Variants in KLHL3 observed in about 807,000 individuals in gnomAD.
KLHL3 encodes the protein kelch like family member 3, also known as kelch-like protein 3.
Under a neutral mutation model 70.5 loss-of-function variants are expected in KLHL3, and 19 were observed. The ratio of observed to expected loss-of-function variants is 0.27; its 90% CI spans 0.19 to 0.40. KLHL3 has a LOEUF of 0.40. Among genes scored for constraint, KLHL3 ranks in the 10% least tolerant of loss-of-function variants. KLHL3 has a pLI of 1.00. For synonymous variants in KLHL3, 258 were observed against 290.3 expected (o/e 0.89, Z 1.13); for missense variants, 512 against 771.1 (o/e 0.66, Z 3.98).
At position 137,639,386 on chromosome 5, in the gene KLHL3, C is replaced by T. The variant is rs1265473507; in HGVS notation, c.1022-236G>A. 6.6e-6 allele frequency among the ~76,000 whole-genome samples: 1 copy of T among 151,944 alleles called. No individual in the cohort carries two copies. The highest frequency in any genetic ancestry group is 6.6e-5 in the Admixed American group (1 of 15,262). On this transcript the variant is annotated intron_variant, in intron 9 of 14. Transcript: ENST00000309755. This position sits in a 1 kb window ranked among gnomAD's most constrained non-coding sequence, Gnocchi z 5.0. ...ACTCCCCAAGCTCATAAGAACTGAC[C>T]CCAAAAGAGCCAAAAACTGTGCAAG...
At chr5:137,643,936 C>A (rs1021391460) in intron 8 of KLHL3, among the ~76,000 whole-genome samples, 1 of 151,996 alleles carries the variant, frequency 6.6e-6, no homozygotes, top group African/African-American at 2.4e-5. Context: ...TCTACTTCTA[C>A]GAGTTTGTCT....
intron 5 of KLHL3, among the ~76,000 whole-genome samples, chr5:137,691,372 G>T (rs1752317948): frequency 6.6e-6 from 1 of 152,202 alleles, no homozygotes. Flanking sequence ...GTCTGCAAAA[G>T]CTCAATCTTA....
At chr5:137,664,533 G>A (rs1443243925) in intron 6 of KLHL3, among the ~76,000 whole-genome samples, 4 of 151,688 alleles carry the variant, frequency 2.6e-5, no homozygotes, top group Admixed American at 6.6e-5. Context: ...TGCTAAAATC[G>A]AAAGTTGTTA....
chr5:137,646,610 G>A lies in KLHL3; in HGVS notation c.904-6633C>T, dbSNP rs1430005957. ...TTCTAGCTACTTAAGAAGACCACAAGATGTTAGAGGAAGAGACTTGAACCA... is the reference window on the plus strand; with the variant it reads ...TTCTAGCTACTTAAGAAGACCACAAAATGTTAGAGGAAGAGACTTGAACCA... On this transcript the variant is annotated intron_variant, in intron 8 of 14. Transcript: ENST00000309755. 3.9e-5 allele frequency among the ~76,000 whole-genome samples: 6 copies of A among 152,084 alleles called. No homozygotes were observed. In the East Asian group the frequency reaches 1.2e-3, roughly 29 times the overall value.
intron 12 of KLHL3, 51 bp downstream of exon 12, chr5:137,633,986 C>T (rs765414366): frequency 1.2e-5 from 19 of 1,612,470 alleles, no homozygotes; most frequent in Non-Finnish European, 1.4e-5. Flanking sequence ...AATTTAAGGA[C>T]CCACTTGTGA....
intron 11 of KLHL3, among the ~76,000 whole-genome samples, chr5:137,637,035 C>T (rs1750783745): frequency 6.6e-6 from 1 of 152,232 alleles, no homozygotes; most frequent in Non-Finnish European, 1.5e-5. Context: ...AGGGCCAAAC[C>T]ACAGGCCGGC....
At chr5:137,628,564 T>C (rs1750543356) in intron 12 of KLHL3, 127 bp from the exon 13 acceptor site, 9 of 916,586 alleles carry the variant, frequency 9.8e-6, no homozygotes, top group Non-Finnish European at 1.5e-5. Context: ...TTTGTCTCCC[T>C]GGACCTCAGT....
intron 8 of KLHL3, among the ~76,000 whole-genome samples, chr5:137,642,646 CA>C (rs1750943293): frequency 6.6e-6 from 1 of 152,062 alleles, no homozygotes; most frequent in Admixed American, 6.6e-5. Context: ...AGGAGTTAAA[CA>C]AACAATACAG....
At chr5:137,629,924 C>A (rs936927712) in intron 12 of KLHL3, 1 of 152,210 alleles carries the variant, frequency 6.6e-6, no homozygotes, top group East Asian at 1.9e-4. Context: ...AAGCGAGCTG[C>A]GTTCCAGGCA....
chr5:137,645,227 G>C (rs1751014690), intron 8 of KLHL3, among the ~76,000 whole-genome samples: 1 of 152,134 alleles, frequency 6.6e-6, no homozygotes, highest in Admixed American at 6.5e-5. Flanking sequence ...GGGGAAAGTT[G>C]AAAGCTTTTC....
In KLHL3 at chr5:137,639,709, A is replaced by G; in HGVS notation, c.1021+151T>C. On this transcript the variant is annotated intron_variant, in intron 9 of 14. Transcript: ENST00000309755. The surrounding 1 kb of genome is among the most constrained non-coding windows in gnomAD (Gnocchi z 5.0). ...ACTCTGTCTTAAAACAACGACAACA[A>G]CCAAAAAAAAAAAAAAAGTGTGCAG... 4.4e-6 allele frequency: 2 copies of G among 450,232 alleles called. No individual in the cohort carries two copies. Among genetic ancestry groups the G allele is most frequent in the East Asian group, 3.4e-5 (1 of 29,260 alleles). 27.9% of individuals were successfully genotyped at this position (450,232 alleles called of 1,614,324 possible).
At chr5:137,706,404 C>T in intron 3 of KLHL3, 1 of 984,482 alleles carries the variant, frequency 1.0e-6, no homozygotes, top group African/African-American at 1.7e-5. Flanking sequence ...AAGGTTTAGG[C>T]AAAGCCAATG....
At chr5:137,683,839 C>G (rs1309397883) in intron 5 of KLHL3, among the ~76,000 whole-genome samples, 3 of 151,854 alleles carry the variant, frequency 2.0e-5, no homozygotes, top group African/African-American at 7.2e-5. Flanking sequence ...CAGCCAAGGG[C>G]CATAATAGTG....
intron 12 of KLHL3, among the ~76,000 whole-genome samples, chr5:137,632,116 A>T (rs1279703312): frequency 6.6e-6 from 1 of 152,244 alleles, no homozygotes; most frequent in East Asian, 1.9e-4. Flanking sequence ...AATTCCTATC[A>T]AACTATCAAC....
At chr5:137,669,895 C>G (rs959272519) in intron 6 of KLHL3, among the ~76,000 whole-genome samples, 1 of 152,194 alleles carries the variant, frequency 6.6e-6, no homozygotes, top group Admixed American at 6.5e-5. Flanking sequence ...AAATGGCTCA[C>G]AGAGACAATT....
Position 137,639,762 on chromosome 5 carries a change from C to A in KLHL3, c.1021+98G>T. 1.2e-6 allele frequency: 1 copy of A among 849,388 alleles called. No individual in the cohort carries two copies. The highest frequency in any genetic ancestry group is 1.9e-6 in the Non-Finnish European group (1 of 513,160). The allele number at this position is 849,388 out of a possible 1,614,324, so 52.6% of individuals were successfully genotyped here. A position where few individuals can be genotyped will look rare whatever the true frequency, so the allele number is the denominator to read the frequency against. ...GGGAAACGAATGGGAGCCTGAAATG[C>A]ACAGATGCTTGAGGAAACAAGGAGT... On this transcript the variant is annotated intron_variant, in intron 9 of 14. Coordinates refer to ENST00000309755, the MANE Select transcript of KLHL3 (RefSeq NM_017415.3). The surrounding 1 kb of genome is among the most constrained non-coding windows in gnomAD (Gnocchi z 5.0).
At chr5:137,647,409 G>A (rs750108860) in intron 8 of KLHL3, among the ~76,000 whole-genome samples, 50 of 152,108 alleles carry the variant, frequency 3.3e-4, no homozygotes, top group Non-Finnish European at 6.8e-4. Context: ...TCCAGCCTAC[G>A]TGTAGATCAA....
intron 8 of KLHL3, among the ~76,000 whole-genome samples, chr5:137,654,553 C>T (rs1751292622): frequency 6.6e-6 from 1 of 152,118 alleles, no homozygotes; most frequent in Non-Finnish European, 1.5e-5. Context: ...TTCTTCAAGC[C>T]TTCAGTGGGG....
At chr5:137,649,521 T>G (rs1751146625) in intron 8 of KLHL3, among the ~76,000 whole-genome samples, 1 of 152,162 alleles carries the variant, frequency 6.6e-6, no homozygotes, top group Admixed American at 6.5e-5. Flanking sequence ...ACCAACAGCT[T>G]GACTGTATGA....
Sources: gnomAD v4.1 joint callset for allele counts (sites outside exome capture counted in the v4.1 genomes callset) on GRCh38, gnomAD v4.1.1 for gene constraint, Gnocchi (gnomAD v3.1) non-coding constraint, MANE v1.5 for transcripts, NCBI Gene and HGNC (gene_info 2026-07-23, HGNC 2026-07-21) for gene names.